Variants in UBE2K observed in about 807,000 individuals in gnomAD.
UBE2K encodes ubiquitin-conjugating enzyme E2 K.
Under a neutral mutation model 30.0 loss-of-function variants are expected in UBE2K, and 6 were observed. The observed-to-expected ratio is 0.20, with a 90% CI of 0.11 to 0.39. UBE2K has a LOEUF of 0.39. Among genes scored for constraint, UBE2K ranks in the 10% least tolerant of loss-of-function variants. UBE2K has a pLI of 1.00. For missense variants in UBE2K, 61 were observed against 241.6 expected (o/e 0.25, Z 4.96); for synonymous variants, 86 against 83.7 (o/e 1.03, Z -0.15).
At chr4:39,770,982 G>C (rs1712770159) in intron 4 of UBE2K, 1 of 1,603,836 alleles carries the variant, frequency 6.2e-7, no homozygotes, top group African/African-American at 1.3e-5. Flanking sequence ...GAGGGAGGAG[G>C]GACTTGTTGG....
chr4:39,770,655 A>G (rs1712735493), intron 4 of UBE2K: 1 of 1,590,414 alleles, frequency 6.3e-7, no homozygotes. Context: ...GCAGGCCTTC[A>G]CCACACCCTG....
At chr4:39,712,602 A>G (rs1718770876) in intron 1 of UBE2K, among the ~76,000 whole-genome samples, 1 of 151,656 alleles carries the variant, frequency 6.6e-6, no homozygotes, top group Non-Finnish European at 1.5e-5. Flanking sequence ...TTGTATTTTT[A>G]GTACAGACAG....
intron 1 of UBE2K, among the ~76,000 whole-genome samples, chr4:39,729,848 G>T (rs1476830299): frequency 3.3e-5 from 5 of 152,194 alleles, no homozygotes; most frequent in Admixed American, 6.5e-5. Flanking sequence ...CAGCGTGTAC[G>T]CTCTGCCTTA....
intron 1 of UBE2K, among the ~76,000 whole-genome samples, chr4:39,712,737 T>C (rs887777001): frequency 2.0e-4 from 30 of 150,932 alleles, no homozygotes; most frequent in Non-Finnish European, 3.0e-4. Context: ...TTAAGACTTA[T>C]GTTTTTGTCA....
intron 4 of UBE2K, among the ~76,000 whole-genome samples, chr4:39,760,197 A>AAACAGG (rs1711828656): frequency 1.2e-4 from 1 of 8,170 alleles, no homozygotes; most frequent in African/African-American, 4.3e-4. Flanking sequence ...AAAAAACAGA[A>AAACAGG]AAAAAAAAAA....
At chr4:39,718,919 C>G (rs1274693928) in intron 1 of UBE2K, among the ~76,000 whole-genome samples, 1 of 152,258 alleles carries the variant, frequency 6.6e-6, no homozygotes, top group Non-Finnish European at 1.5e-5. Flanking sequence ...GGAGCTGGCT[C>G]CGGCCTCGGC....
chr4:39,718,793 A>G (rs1213992316), intron 1 of UBE2K, among the ~76,000 whole-genome samples: 2 of 152,254 alleles, frequency 1.3e-5, no homozygotes, highest in African/African-American at 4.8e-5. Context: ...TCGGCCGCTC[A>G]GAGTGCTGAG....
intron 1 of UBE2K, among the ~76,000 whole-genome samples, 187 bp downstream of exon 1, chr4:39,698,577 T>A (rs962053039): frequency 9.9e-5 from 15 of 152,068 alleles, no homozygotes; most frequent in African/African-American, 2.7e-4. Flanking sequence ...AGCGCTAGGA[T>A]GGACGGTCTC....
At chr4:39,719,545 A>T (rs1353939592) in intron 1 of UBE2K, among the ~76,000 whole-genome samples, 1 of 152,212 alleles carries the variant, frequency 6.6e-6, no homozygotes. Context: ...GGTTTAGGGC[A>T]GGCTTCCGTT....
At chr4:39,707,971 A>G (rs59728645) in intron 1 of UBE2K, among the ~76,000 whole-genome samples, 15,875 of 151,648 alleles carry the variant, frequency 0.1, 1,222 homozygotes, top group East Asian at 0.22. Flanking sequence ...ATCTCAGCTC[A>G]TTGCAACCTC....
At chr4:39,744,297 T>A (rs1030737666) in intron 2 of UBE2K, among the ~76,000 whole-genome samples, 1 of 152,008 alleles carries the variant, frequency 6.6e-6, no homozygotes, top group African/African-American at 2.4e-5. Context: ...CTCAGCCTCC[T>A]GAGTAGCTGG....
intron 1 of UBE2K, among the ~76,000 whole-genome samples, chr4:39,730,941 C>T (rs1298713106): frequency 1.3e-5 from 2 of 150,702 alleles, no homozygotes; most frequent in East Asian, 2.0e-4. Context: ...TTTCAAGTAG[C>T]TGGGATTTAC....
intron 1 of UBE2K, among the ~76,000 whole-genome samples, chr4:39,734,640 C>T (rs1720257313): frequency 6.6e-6 from 1 of 152,020 alleles, no homozygotes; most frequent in Admixed American, 6.6e-5. Context: ...GCAAAACCCC[C>T]TCTCTACTAA....
chr4:39,755,001 ATTC>A (rs1169105066), intron 3 of UBE2K, among the ~76,000 whole-genome samples: 8 of 152,156 alleles, frequency 5.3e-5, no homozygotes, highest in African/African-American at 1.4e-4. Flanking sequence ...TTGGTTTGTT[ATTC>A]TTCCATAATG....
intron 1 of UBE2K, among the ~76,000 whole-genome samples, chr4:39,728,884 G>A (rs1719915555): frequency 6.7e-6 from 1 of 149,806 alleles, no homozygotes; most frequent in Non-Finnish European, 1.5e-5. Context: ...AGCCAGGATG[G>A]TCTCCATCTT....
chr4:39,698,301 G>C lies in UBE2K; in HGVS notation c.-27G>C, dbSNP rs772715996. The C allele has an allele frequency of 2.2e-5, 35 of 1,605,140 alleles. No homozygotes were observed. The highest frequency in any genetic ancestry group is 2.6e-5 in the Non-Finnish European group (31 of 1,175,934). On this transcript the variant is annotated 5_prime_UTR_variant, in exon 1 of 7. Coordinates refer to ENST00000261427, the MANE Select transcript of UBE2K (RefSeq NM_005339.5). ...TGGTCGTAGCGGTGGCGGAGGAGGC[G>C]GGTACGAATCAGCTGCGGGCGGAGA...
intron 1 of UBE2K, among the ~76,000 whole-genome samples, chr4:39,724,726 C>T (rs973238748): frequency 2.1e-4 from 32 of 149,942 alleles, no homozygotes; most frequent in African/African-American, 7.4e-4. Context: ...GCTGAGATGG[C>T]GCCACTGCCC....
At chr4:39,711,364 G>T (rs986504729) in intron 1 of UBE2K, among the ~76,000 whole-genome samples, 1 of 151,344 alleles carries the variant, frequency 6.6e-6, no homozygotes. Flanking sequence ...GGGTTTCACC[G>T]TGTTAGCCTG....
At chr4:39,771,821 T>C (rs1463828849) in intron 4 of UBE2K, among the ~76,000 whole-genome samples, 2 of 152,152 alleles carry the variant, frequency 1.3e-5, no homozygotes, top group Admixed American at 6.5e-5. Context: ...TGTTGGTTGT[T>C]GGCAATAACT....
Sources: gnomAD v4.1 joint callset for allele counts (sites outside exome capture counted in the v4.1 genomes callset) on GRCh38, gnomAD v4.1.1 for gene constraint, MANE v1.5 for transcripts, NCBI Gene and HGNC (gene_info 2026-07-23, HGNC 2026-07-21) for gene names.